NPFFR2: variants seen among roughly 807,000 people sequenced by gnomAD.
The protein encoded by NPFFR2 is G-protein coupled receptor 74.
NPFFR2 carries 15 observed loss-of-function variants against 13.1 expected under a neutral mutation model. That is an observed-to-expected ratio of 1.15 (90% confidence interval 0.77 to 1.76). NPFFR2 has a LOEUF of 1.76. Among genes scored for constraint, NPFFR2 ranks in the 40% most tolerant of loss-of-function variants. The probability of loss-of-function intolerance (pLI) is 0.00; values close to 1 mark genes in which losing one functional copy is unlikely to be tolerated. For missense variants in NPFFR2, 572 were observed against 503.5 expected (o/e 1.14, Z -1.30); for synonymous variants, 190 against 175.7 (o/e 1.08, Z -0.65).
chr4:72,147,777 G>C lies in NPFFR2; in HGVS notation c.1228G>C (p.Glu410Gln). 6.3e-7 allele frequency: 1 copy of C among 1,584,614 alleles called. No homozygotes were observed. Among genetic ancestry groups the C allele is most frequent in the East Asian group, 2.2e-5 (1 of 44,794 alleles). The change falls in exon 4 of 4, where the codon GAA becomes CAA. Residue 410 changes from glutamate to glutamine, a missense_variant. By Grantham distance (29) the Glu-to-Gln change is conservative (BLOSUM62 2). Transcript: ENST00000308744. ...EKPQQELVME[E>Q]LKETTNSSEI Reference sequence around the variant, plus strand: ...ACCCCAACAGGAATTAGTGATGGAAGAATTAAAAGAAACTACTAACAGCAG... The same window carrying C: ...ACCCCAACAGGAATTAGTGATGGAACAATTAAAAGAAACTACTAACAGCAG...
At chr4:72,032,810 T>C (rs1718960244) in intron 1 of NPFFR2, among the ~76,000 whole-genome samples, 2 of 152,266 alleles carry the variant, frequency 1.3e-5, no homozygotes, top group South Asian at 4.1e-4. Flanking sequence ...CTAGGTCAAA[T>C]TTAGGGTCTG....
At chr4:72,136,450 G>A (rs1722415116) in intron 2 of NPFFR2, among the ~76,000 whole-genome samples, 1 of 152,162 alleles carries the variant, frequency 6.6e-6, no homozygotes, top group Non-Finnish European at 1.5e-5. Context: ...TAGCTTCTGT[G>A]TTTCAGAGTG....
intron 1 of NPFFR2, among the ~76,000 whole-genome samples, chr4:72,038,875 T>G (rs1402351078): frequency 1.3e-5 from 2 of 150,952 alleles, no homozygotes; most frequent in Non-Finnish European, 3.0e-5. Context: ...ATAATGTTGT[T>G]TTTTAATTCT....
intron 1 of NPFFR2, among the ~76,000 whole-genome samples, chr4:72,033,278 T>A (rs1302666182): frequency 6.6e-6 from 1 of 152,208 alleles, no homozygotes; most frequent in Non-Finnish European, 1.5e-5. Context: ...GCCATTATCA[T>A]CAACAGAATG....
chr4:72,081,998 A>G (rs1001856670), intron 1 of NPFFR2, among the ~76,000 whole-genome samples: 1 of 152,180 alleles, frequency 6.6e-6, no homozygotes, highest in Admixed American at 6.5e-5. Flanking sequence ...TTCTAAGATC[A>G]AGCCTTGTCA....
intron 1 of NPFFR2, among the ~76,000 whole-genome samples, chr4:72,038,613 G>C (rs572363101): frequency 6.6e-6 from 1 of 151,988 alleles, no homozygotes; most frequent in African/African-American, 2.4e-5. Flanking sequence ...ATTTGAAAAA[G>C]CTATCATTGC....
At chr4:72,074,766 T>C (rs1720376395) in intron 1 of NPFFR2, among the ~76,000 whole-genome samples, 1 of 152,126 alleles carries the variant, frequency 6.6e-6, no homozygotes. Context: ...GATCCAACTA[T>C]ATGCTGTCTA....
chr4:72,082,952 T>A (rs575635876), intron 1 of NPFFR2, among the ~76,000 whole-genome samples: 18 of 152,264 alleles, frequency 1.2e-4, no homozygotes, highest in African/African-American at 4.1e-4. Context: ...TAACATAATG[T>A]CCTTTAGGTT....
At chr4:72,098,259 T>C (rs1560410448) in intron 1 of NPFFR2, among the ~76,000 whole-genome samples, 1 of 152,212 alleles carries the variant, frequency 6.6e-6, no homozygotes, top group African/African-American at 2.4e-5. Context: ...GAGTAAGATA[T>C]AAGCCCTTAC....
At chr4:72,051,044 G>C (rs952243264) in intron 1 of NPFFR2, among the ~76,000 whole-genome samples, 14 of 151,998 alleles carry the variant, frequency 9.2e-5, no homozygotes, top group Admixed American at 8.5e-4. Context: ...CCAAGTCTTT[G>C]CTATTGTGAA....
intron 1 of NPFFR2, among the ~76,000 whole-genome samples, chr4:72,047,250 T>C (rs1197277813): frequency 6.6e-6 from 1 of 151,968 alleles, no homozygotes; most frequent in Non-Finnish European, 1.5e-5. Context: ...AAGAGATTAA[T>C]ATGGATAAAA....
At chr4:72,072,504 G>A (rs1720289243) in intron 1 of NPFFR2, among the ~76,000 whole-genome samples, 1 of 152,028 alleles carries the variant, frequency 6.6e-6, no homozygotes, top group Non-Finnish European at 1.5e-5. Context: ...TAGGACCATA[G>A]AAATTATTGT....
chr4:72,142,690 AT>A (rs1560424928), intron 3 of NPFFR2, among the ~76,000 whole-genome samples: 1 of 152,150 alleles, frequency 6.6e-6, no homozygotes, highest in African/African-American at 2.4e-5. Context: ...AAATTTCCCT[AT>A]TTTTCACACT....
At chr4:72,123,578 C>G (rs1721953401) in intron 1 of NPFFR2, among the ~76,000 whole-genome samples, 1 of 152,194 alleles carries the variant, frequency 6.6e-6, no homozygotes, top group Non-Finnish European at 1.5e-5. Context: ...ATCAAGTTGA[C>G]TTCATCCTTG....
intron 1 of NPFFR2, among the ~76,000 whole-genome samples, chr4:72,064,087 A>T (rs762047789): frequency 2.6e-4 from 39 of 152,352 alleles, no homozygotes; most frequent in Non-Finnish European, 3.1e-4. Flanking sequence ...AACATGGATA[A>T]CCCAGGACAG....
chr4:72,146,053 A>G (rs1425977018), intron 3 of NPFFR2, among the ~76,000 whole-genome samples: 1 of 152,194 alleles, frequency 6.6e-6, no homozygotes, highest in Non-Finnish European at 1.5e-5. Flanking sequence ...CATAATCAGA[A>G]CTCATAATGA....
At chr4:72,076,585 G>A (rs369121732) in intron 1 of NPFFR2, among the ~76,000 whole-genome samples, 40 of 152,258 alleles carry the variant, frequency 2.6e-4, no homozygotes, top group African/African-American at 9.1e-4. Flanking sequence ...AGATTCAGTG[G>A]AAAATAGAGG....
intron 1 of NPFFR2, among the ~76,000 whole-genome samples, chr4:72,089,299 T>A (rs1720851258): frequency 6.6e-6 from 1 of 152,138 alleles, no homozygotes; most frequent in African/African-American, 2.4e-5. Flanking sequence ...TCTGTGTGTA[T>A]CTTTTCCATA....
chr4:72,107,176 TTAAAAAATA>T (rs1721440910), intron 1 of NPFFR2, among the ~76,000 whole-genome samples: 1 of 151,790 alleles, frequency 6.6e-6, no homozygotes, highest in Non-Finnish European at 1.5e-5. Flanking sequence ...ACCTTGATAT[TTAAAAAATA>T]TCTCTCACAA....
Sources: gnomAD v4.1 joint callset for allele counts (sites outside exome capture counted in the v4.1 genomes callset) on GRCh38, gnomAD v4.1.1 for gene constraint, MANE v1.5 for transcripts, NCBI Gene and HGNC (gene_info 2026-07-23, HGNC 2026-07-21) for gene names.